Variants in ADAM20 observed in about 807,000 individuals in gnomAD.
ADAM20 encodes the protein disintegrin and metalloproteinase domain-containing protein 20.
For synonymous variants in ADAM20, 305 were observed against 310.2 expected, an observed-to-expected ratio of 0.98 and a Z score of 0.18; for missense variants, 871 against 883.2, an observed-to-expected ratio of 0.99 and a Z score of 0.18.
chr14:70,531,877 T>G (rs1459143166), intron 1 of ADAM20, among the ~76,000 whole-genome samples: 1 of 152,060 alleles, frequency 6.6e-6, no homozygotes, highest in Non-Finnish European at 1.5e-5. Context: ...GAAAGACATC[T>G]CATTCATAGA....
chr14:70,553,540 A>AAAAAAAAAC, the ADAM20 span, among the ~76,000 whole-genome samples: 1 of 148,530 alleles, frequency 6.7e-6, no homozygotes. Context: ...AAAAAAAAAA[A>AAAAAAAAAC]AAAAAAAACT....
rs1053374509 is a variant in ADAM20 at position 70,524,261 on chromosome 14, G to A, written c.497C>T (p.Thr166Ile). 1.9e-5 allele frequency: 31 copies of A among 1,613,868 alleles called. No homozygotes were observed. Among genetic ancestry groups the A allele is most frequent in the Non-Finnish European group, 2.3e-5 (27 of 1,179,952 alleles). Reference protein sequence around the residue: ...HLVYKIDSDDTQFPPMRCGLT... With the variant: ...HLVYKIDSDDIQFPPMRCGLT... Reference sequence around the variant, plus strand: ...CCCACATCTCATAGGTGGAAACTGTGTATCATCACTGTCTATCTTATATAC... The same window carrying A: ...CCCACATCTCATAGGTGGAAACTGTATATCATCACTGTCTATCTTATATAC... Residue 166 changes from threonine to isoleucine, a missense_variant, in exon 2 of 2, where the codon ACA becomes ATA. By Grantham distance (89) the Thr-to-Ile change is moderately conservative. Coordinates refer to ENST00000256389, the MANE Select transcript of ADAM20 (RefSeq NM_003814.5).
chr14:70,532,471 C>T (rs568532343), intron 1 of ADAM20, among the ~76,000 whole-genome samples: 1 of 151,990 alleles, frequency 6.6e-6, no homozygotes, highest in Non-Finnish European at 1.5e-5. Context: ...AATGAGACTA[C>T]CTCAAACTAA....
At chr14:70,560,949 T>C in the ADAM20 span, among the ~76,000 whole-genome samples, 1 of 152,174 alleles carries the variant, frequency 6.6e-6, no homozygotes, top group South Asian at 2.1e-4. Context: ...GGCTCTGCTA[T>C]AAAGATACCT....
rs1396936635 is a variant in ADAM20, at chr14:70,534,921, T to C, written c.-301A>G. The C allele has an allele frequency of 6.6e-6, 1 of 152,228 alleles. No individual in the cohort carries two copies. Among genetic ancestry groups the C allele is most frequent in the Non-Finnish European group, 1.5e-5 (1 of 68,040 alleles). The allele number at this position is 152,228 out of a possible 1,614,324, so 9.4% of individuals were successfully genotyped here. A position where few individuals can be genotyped will look rare whatever the true frequency, so the allele number is the denominator to read the frequency against. On this transcript the variant is annotated 5_prime_UTR_variant, in exon 1 of 2. Coordinates refer to ENST00000256389, the MANE Select transcript of ADAM20 (RefSeq NM_003814.5). ...GACAGGATATTGACAGACACAAGAC[T>C]TGGTACTAGGAGTGATACCAAAAAA...
rs59828723 is a variant in ADAM20, at chr14:70,534,082, C to CAAA, written c.-177+712_-177+714dup. Among the ~76,000 whole-genome samples, 95 of 54,026 alleles carry CAAA rather than the reference C, an allele frequency of 1.8e-3. 4 individuals carry two copies. The highest frequency in any genetic ancestry group is 8.5e-3 in the Middle Eastern group (1 of 118). 35.4% of individuals were successfully genotyped at this position (54,026 alleles called of 152,430 possible). ...TGGGCGAGAGAGCAAGACCCTGTCT[C>CAAA]AAAAAAAAAAAAAAAAAAAAAAAAA... On this transcript the variant is annotated intron_variant, in intron 1 of 1. Transcript: ENST00000256389.
intron 1 of ADAM20, among the ~76,000 whole-genome samples, chr14:70,527,042 T>C (rs552988440): frequency 2.0e-4 from 30 of 152,304 alleles, no homozygotes; most frequent in African/African-American, 6.5e-4. Context: ...TAATTTTCTG[T>C]GTCTGTGTTT....
intron 1 of ADAM20, among the ~76,000 whole-genome samples, chr14:70,526,449 A>C (rs1883593294): frequency 6.6e-6 from 1 of 152,202 alleles, no homozygotes; most frequent in Non-Finnish European, 1.5e-5. Context: ...ATCCCAATTT[A>C]GATTTCCTCT....
upstream of ADAM20, among the ~76,000 whole-genome samples, chr14:70,536,876 C>T (rs1883848926): frequency 6.6e-6 from 1 of 151,058 alleles, no homozygotes; most frequent in Non-Finnish European, 1.5e-5. Context: ...ACATTCCAAG[C>T]CTGTGATAAA....
At chr14:70,562,693 T>A in the ADAM20 span, among the ~76,000 whole-genome samples, 516 of 152,232 alleles carry the variant, frequency 3.4e-3, 1 homozygote, top group Non-Finnish European at 5.9e-3. Context: ...CTTCCCCCTT[T>A]TTTCTCTCTC....
At chr14:70,556,813 T>C in the ADAM20 span, 1 of 152,196 alleles carries the variant, frequency 6.6e-6, no homozygotes, top group Non-Finnish European at 1.5e-5. Flanking sequence ...GACTTAAGTA[T>C]GCATGGATTT....
At chr14:70,565,219 T>C in the ADAM20 span, among the ~76,000 whole-genome samples, 2 of 150,936 alleles carry the variant, frequency 1.3e-5, no homozygotes, top group South Asian at 4.2e-4. Context: ...AATTTGAAAT[T>C]ACAGCCAGAA....
chr14:70,524,959 G>A, intron 1 of ADAM20, 26 bp from the exon 2 acceptor site: 2 of 1,516,206 alleles, frequency 1.3e-6, no homozygotes, highest in South Asian at 1.3e-5. Context: ...TGGGGTGGGT[G>A]GGATAGAAAG....
chr14:70,524,283 A>C lies in ADAM20; in HGVS notation c.475T>G (p.Tyr159Asp). 1 of 1,614,076 alleles carries C rather than the reference A, an allele frequency of 6.2e-7. No homozygotes were observed. Among genetic ancestry groups the C allele is most frequent in the Non-Finnish European group, 8.5e-7 (1 of 1,179,954 alleles). ...SVSATFEHLV[Y>D]KIDSDDTQFP... ...TGTGTATCATCACTGTCTATCTTAT[A>C]TACTAGGTGTTCAAATGTGGCAGAA... Residue 159 changes from tyrosine to aspartate, a missense_variant, in exon 2 of 2, where the codon TAT becomes GAT. By Grantham distance (160) the Tyr-to-Asp change is radical (BLOSUM62 -3). Transcript: ENST00000256389.
chr14:70,544,147 C>T, the ADAM20 span, among the ~76,000 whole-genome samples: 2 of 152,078 alleles, frequency 1.3e-5, no homozygotes, highest in Non-Finnish European at 2.9e-5. Flanking sequence ...ACTTCTCCCC[C>T]ACACAGAAAC....
chr14:70,574,088 TAGA>T, the ADAM20 span, among the ~76,000 whole-genome samples: 80 of 152,324 alleles, frequency 5.3e-4, no homozygotes, highest in African/African-American at 1.4e-3. Flanking sequence ...GAACATTCTT[TAGA>T]AGATCACCTT....
chr14:70,555,407 T>C, the ADAM20 span, among the ~76,000 whole-genome samples: 1 of 152,234 alleles, frequency 6.6e-6, no homozygotes, highest in Non-Finnish European at 1.5e-5. Context: ...CAATTTTAAC[T>C]GTCAATTTTT....
chr14:70,532,033 C>T lies in ADAM20; in HGVS notation c.-177+2764G>A, dbSNP rs1883722424. Among the ~76,000 whole-genome samples, 3 of 152,154 alleles carry T rather than the reference C, an allele frequency of 2.0e-5. No individual in the cohort carries two copies. In the South Asian group the frequency reaches 6.2e-4, roughly 32 times the overall value. On this transcript the variant is annotated intron_variant, in intron 1 of 1. Coordinates refer to ENST00000256389, the MANE Select transcript of ADAM20 (RefSeq NM_003814.5). ...ATAAAGAAGCACAAATGGCCCCAAA[C>T]AGCCAAAACAATCTTGAGAAAGAAG...
At chr14:70,531,631 T>C (rs1334148025) in intron 1 of ADAM20, among the ~76,000 whole-genome samples, 1 of 152,136 alleles carries the variant, frequency 6.6e-6, no homozygotes, top group Non-Finnish European at 1.5e-5. Flanking sequence ...ACAAACCTGT[T>C]ATAGCTAATA....
Sources: allele counts gnomAD v4.1 joint callset (sites outside exome capture counted in the v4.1 genomes callset), GRCh38; gene constraint gnomAD v4.1.1; transcripts MANE v1.5; gene names NCBI Gene and HGNC (gene_info 2026-07-23, HGNC 2026-07-21).